Variants in LRP5 observed in about 807,000 individuals in gnomAD.
LRP5 encodes the protein low-density lipoprotein receptor-related protein 5.
In LRP5, 62 loss-of-function variants were observed where a neutral mutation model predicts 154.1. The observed-to-expected ratio is 0.40, with a 90% CI of 0.33 to 0.50. LRP5 has a LOEUF of 0.50. Among genes scored for constraint, LRP5 ranks in the 20% least tolerant of loss-of-function variants. The pLI, the probability that LRP5 is intolerant of heterozygous loss-of-function variation, is 0.55. For synonymous variants in LRP5, 966 were observed against 1,011.5 expected, an observed-to-expected ratio of 0.96 and a Z score of 0.85; for missense variants, 1,915 against 2,336.7, an observed-to-expected ratio of 0.82 and a Z score of 3.72.
At chr11:68,379,054 A>T (rs1245335009) in intron 5 of LRP5, among the ~76,000 whole-genome samples, 2 of 152,164 alleles carry the variant, frequency 1.3e-5, no homozygotes, top group Non-Finnish European at 2.9e-5. Flanking sequence ...TCAAAAAAAA[A>T]AATAAAAATA....
chr11:68,429,659 C>T lies in LRP5; in HGVS notation c.3722C>T (p.Pro1241Leu), dbSNP rs758855924. 4 of 1,614,152 alleles carry T rather than the reference C, an allele frequency of 2.5e-6. No homozygotes were observed. Among genetic ancestry groups the T allele is most frequent in the Non-Finnish European group, 3.4e-6 (4 of 1,180,034 alleles). ...KGDGTPRCSC[P>L]VHLVLLQNLL... ...GATGGGACACCACGGTGCTCATGCC[C>T]AGTCCACCTCGTGCTCCTGCAGAAC... The change falls in exon 17 of 23, where the codon CCA becomes CTA. Residue 1241 changes from proline to leucine, a missense_variant. Coordinates refer to ENST00000294304, the MANE Select transcript of LRP5 (RefSeq NM_002335.4).
the LRP5 span, among the ~76,000 whole-genome samples, chr11:68,300,316 G>A: frequency 6.7e-6 from 1 of 149,356 alleles, no homozygotes; most frequent in Non-Finnish European, 1.5e-5. Context: ...GACAAGGGAG[G>A]GGATTAGCCT....
At chr11:68,372,812 C>G (rs2098635006) in intron 5 of LRP5, among the ~76,000 whole-genome samples, 1 of 152,030 alleles carries the variant, frequency 6.6e-6, no homozygotes, top group Non-Finnish European at 1.5e-5. Flanking sequence ...GGGAGCACGG[C>G]TCACACGGCC....
intron 7 of LRP5, among the ~76,000 whole-genome samples, chr11:68,402,637 C>G (rs141653462): frequency 6.6e-6 from 1 of 152,044 alleles, no homozygotes; most frequent in East Asian, 1.9e-4. Context: ...TGCCCCAGGT[C>G]CTTATATTTG....
intron 5 of LRP5, among the ~76,000 whole-genome samples, chr11:68,381,235 G>A (rs1383497760): frequency 2.0e-5 from 3 of 152,204 alleles, no homozygotes; most frequent in Non-Finnish European, 2.9e-5. Context: ...CCCTGCAGAC[G>A]TCTTGACTTT....
intron 1 of LRP5, among the ~76,000 whole-genome samples, chr11:68,316,644 C>T (rs925272628): frequency 7.2e-5 from 11 of 152,190 alleles, no homozygotes; most frequent in Non-Finnish European, 8.8e-5. Flanking sequence ...TCAGTTCATC[C>T]GCTGATTGGA....
chr11:68,364,588 G>A (rs1451377717), intron 4 of LRP5, among the ~76,000 whole-genome samples: 1 of 152,108 alleles, frequency 6.6e-6, no homozygotes, highest in East Asian at 1.9e-4. Context: ...TGGGGGCCAC[G>A]CTGGGTTGTG....
chr11:68,299,459 G>A, the LRP5 span, among the ~76,000 whole-genome samples: 1 of 147,988 alleles, frequency 6.8e-6, no homozygotes, highest in South Asian at 2.1e-4. Context: ...AGACAGTGGG[G>A]TGGAGTCCTC....
chr11:68,345,593 A>G (rs1224530795), intron 1 of LRP5, among the ~76,000 whole-genome samples: 2 of 152,148 alleles, frequency 1.3e-5, no homozygotes, highest in African/African-American at 2.4e-5. Flanking sequence ...GGCTGCCTCC[A>G]TGTTTTAGCT....
chr11:68,322,095 G>A lies in LRP5; in HGVS notation c.91+9290G>A, dbSNP rs1413733809. Reference sequence around the variant, plus strand: ...CCATTTCTCCAAACTTTCCCCCAGAGCGAACTTGCTTCCCAAAAGGAGTCT... The same window carrying A: ...CCATTTCTCCAAACTTTCCCCCAGAACGAACTTGCTTCCCAAAAGGAGTCT... On this transcript the variant is annotated intron_variant, in intron 1 of 22. Transcript: ENST00000294304. Among the ~76,000 whole-genome samples, 4 of 152,248 alleles carry A rather than the reference G, an allele frequency of 2.6e-5. No homozygotes were observed. The South Asian group carries it at 6.2e-4, about 24-fold the overall frequency.
At chr11:68,446,148 C>T (rs1197550077) in intron 21 of LRP5, among the ~76,000 whole-genome samples, 2 of 152,218 alleles carry the variant, frequency 1.3e-5, no homozygotes, top group East Asian at 1.9e-4. Context: ...GTCCTGTCCC[C>T]GCCTTCACAG....
chr11:68,313,939 G>A (rs527864523), intron 1 of LRP5, among the ~76,000 whole-genome samples: 3 of 152,306 alleles, frequency 2.0e-5, no homozygotes, highest in Non-Finnish European at 4.4e-5. Flanking sequence ...GGACAGCGGG[G>A]AACAGGAGGA....
rs772798522 is a variant in LRP5, at chr11:68,423,530, C to T, written c.3069C>T (p.Asp1023=). The T allele has an allele frequency of 1.1e-5, 17 of 1,614,116 alleles. No homozygotes were observed. Among genetic ancestry groups the T allele is most frequent in the Non-Finnish European group, 1.4e-5 (17 of 1,180,030 alleles). Residue 1023 remains aspartate, a synonymous_variant, in exon 14 of 23, where the codon GAC becomes GAT. Transcript: ENST00000294304. This position sits in a 1 kb window ranked among gnomAD's most constrained non-coding sequence, Gnocchi z 4.7. ...CTCTGAGCCAAGGCCAAAACCCAGACAGGCAGCCCCACGACCTCAGCATCG... is the reference window on the plus strand; with the variant it reads ...CTCTGAGCCAAGGCCAAAACCCAGATAGGCAGCCCCACGACCTCAGCATCG... The part of the protein sequence containing the change: ...LTSLSQGQNP[D]RQPHDLSIDI...
rs1224485800 is a variant in LRP5 at position 68,365,687 on chromosome 11, A to C, written c.1000A>C (p.Arg334=). ...PTGVQLQDNG[R]TCKAGAEEVL... The stretch of plus-strand genomic sequence containing the variant: ...GGGTGTGCAGCTGCAGGACAACGGC[A>C]GGACGTGTAAGGCAGGTGAGGCGGT... Residue 334 remains arginine (R), a synonymous_variant, in exon 5 of 23, where the codon AGG becomes CGG. Coordinates refer to ENST00000294304, the MANE Select transcript of LRP5 (RefSeq NM_002335.4). The C allele has an allele frequency of 3.0e-6, 4 of 1,329,850 alleles. No individual in the cohort carries two copies. Among genetic ancestry groups the C allele is most frequent in the Non-Finnish European group, 3.9e-6 (4 of 1,013,480 alleles). The allele number at this position is 1,329,850 out of a possible 1,614,324, so 82.4% of individuals were successfully genotyped here.
intron 21 of LRP5, among the ~76,000 whole-genome samples, chr11:68,441,022 C>T (rs1340578039): frequency 6.6e-6 from 1 of 152,206 alleles, no homozygotes; most frequent in East Asian, 1.9e-4. Flanking sequence ...CCCACCTTGG[C>T]CTCCCAAAGT....
intron 14 of LRP5, 146 bp from the exon 15 acceptor site, chr11:68,424,956 T>G: frequency 1.5e-6 from 1 of 654,768 alleles, no homozygotes; most frequent in African/African-American, 1.8e-5. Flanking sequence ...GAGAGCATTG[T>G]TCAACTAGTA....
rs1426778638 is a variant in LRP5, at chr11:68,409,940, G to T, written c.2118G>T (p.Gly706=). The change falls in exon 10 of 23, where the codon GGG becomes GGT. Residue 706 remains glycine, a synonymous_variant. Coordinates refer to ENST00000294304, the MANE Select transcript of LRP5 (RefSeq NM_002335.4). ...CCATCAGCCGCGCCTTCATGAACGG[G>T]AGCTCGGTGGAGCACGTGGTGGAGT... ...LKTISRAFMN[G]SSVEHVVEFG... is the part of the protein sequence containing the mutation. 6.8e-6 allele frequency: 11 copies of T among 1,614,100 alleles called. No homozygotes were observed. Among genetic ancestry groups the T allele is most frequent in the Non-Finnish European group, 9.3e-6 (11 of 1,180,014 alleles).
intron 1 of LRP5, among the ~76,000 whole-genome samples, chr11:68,332,675 G>C (rs968502487): frequency 2.0e-5 from 3 of 152,234 alleles, no homozygotes; most frequent in African/African-American, 7.2e-5. Context: ...GGAGTCTACG[G>C]GAGACTTGGT....
intron 1 of LRP5, among the ~76,000 whole-genome samples, chr11:68,324,419 C>T (rs902300905): frequency 4.6e-5 from 7 of 152,308 alleles, no homozygotes; most frequent in Admixed American, 2.6e-4. Context: ...CCAGGGTGCC[C>T]GGCGTGTGCC....
Sources: allele counts gnomAD v4.1 joint callset (sites outside exome capture counted in the v4.1 genomes callset), GRCh38; gene constraint gnomAD v4.1.1; non-coding constraint Gnocchi (gnomAD v3.1); transcripts MANE v1.5; gene names NCBI Gene and HGNC (gene_info 2026-07-23, HGNC 2026-07-21).